Variants in NOL4 observed in about 807,000 individuals in gnomAD.
NOL4 encodes nucleolar protein 4, also known as cancer/testis antigen 125.
NOL4 carries 17 observed loss-of-function variants against 75.9 expected under a neutral mutation model. The observed-to-expected ratio is 0.22, with a 90% CI of 0.15 to 0.34. NOL4 has a LOEUF of 0.34. Among genes scored for constraint, NOL4 ranks in the 10% least tolerant of loss-of-function variants. NOL4 has a pLI of 1.00. For missense variants in NOL4, 614 were observed against 793.5 expected, an observed-to-expected ratio of 0.77 and a Z score of 2.72; for synonymous variants, 292 against 289.9, an observed-to-expected ratio of 1.01 and a Z score of -0.07.
At chr18:33,925,699 C>T (rs2067282943) in intron 9 of NOL4, among the ~76,000 whole-genome samples, 2 of 152,076 alleles carry the variant, frequency 1.3e-5, no homozygotes, top group Non-Finnish European at 2.9e-5. Context: ...ACCCTGAAAT[C>T]CAAAGGGAGC....
chr18:34,008,860 T>G (rs1429705525), intron 6 of NOL4, among the ~76,000 whole-genome samples: 1 of 151,918 alleles, frequency 6.6e-6, no homozygotes, highest in East Asian at 1.9e-4. Flanking sequence ...CAAATGGCAA[T>G]GAGAAGAAAT....
At chr18:33,896,875 A>T (rs2065441733) in intron 9 of NOL4, among the ~76,000 whole-genome samples, 1 of 152,200 alleles carries the variant, frequency 6.6e-6, no homozygotes, top group African/African-American at 2.4e-5. Context: ...CATGCATCTG[A>T]CAAAAGTCTA....
intron 1 of NOL4, among the ~76,000 whole-genome samples, chr18:34,215,890 G>A (rs1229730900): frequency 1.3e-5 from 2 of 152,138 alleles, no homozygotes; most frequent in Non-Finnish European, 2.9e-5. Flanking sequence ...AAATAGACTA[G>A]TGCCTGCATA....
At chr18:33,947,199 T>G (rs2068896415) in intron 8 of NOL4, among the ~76,000 whole-genome samples, 1 of 151,812 alleles carries the variant, frequency 6.6e-6, no homozygotes, top group East Asian at 1.9e-4. Context: ...AAAGTAATAT[T>G]ACAGAGAAAT....
At chr18:34,172,563 A>G (rs1485000937) in intron 1 of NOL4, among the ~76,000 whole-genome samples, 3 of 152,120 alleles carry the variant, frequency 2.0e-5, no homozygotes, top group Non-Finnish European at 4.4e-5. Context: ...TTGCTGCACT[A>G]TATGGTAGTT....
At chr18:34,006,969 A>T (rs2074063021) in intron 6 of NOL4, among the ~76,000 whole-genome samples, 1 of 152,020 alleles carries the variant, frequency 6.6e-6, no homozygotes, top group African/African-American at 2.4e-5. Context: ...GGTATCACTC[A>T]TTATTACCAC....
rs117408411 is a variant in NOL4 at position 33,995,940 on chromosome 18, G to T, written c.1056+23378C>A. Reference sequence around the variant, plus strand: ...TAGTCTATCCTATTAGGTCTAGCTGGAGTATAATGTTGTTTAAGTCTTCTT... The same window carrying T: ...TAGTCTATCCTATTAGGTCTAGCTGTAGTATAATGTTGTTTAAGTCTTCTT... On this transcript the variant is annotated intron_variant, in intron 6 of 10. Coordinates refer to ENST00000261592, the MANE Select transcript of NOL4 (RefSeq NM_003787.5). 5.3e-5 allele frequency among the ~76,000 whole-genome samples: 8 copies of T among 151,924 alleles called. No individual in the cohort carries two copies. In the East Asian group the frequency reaches 1.2e-3, roughly 22 times the overall value.
chr18:34,099,585 G>T (rs9965596), intron 4 of NOL4, among the ~76,000 whole-genome samples: 78,295 of 151,498 alleles, frequency 0.52, 20,480 homozygotes, highest in Admixed American at 0.56. Flanking sequence ...CTACACAACA[G>T]CTCAAATTTC....
intron 2 of NOL4, among the ~76,000 whole-genome samples, chr18:34,112,810 T>C (rs2079661813): frequency 6.6e-6 from 1 of 152,228 alleles, no homozygotes; most frequent in African/African-American, 2.4e-5. Flanking sequence ...TAGATAATTC[T>C]GTAATGTATG....
intron 2 of NOL4, among the ~76,000 whole-genome samples, chr18:34,128,106 A>T (rs1438551514): frequency 1.3e-5 from 2 of 151,934 alleles, no homozygotes; most frequent in African/African-American, 4.8e-5. Context: ...AATGGATCAG[A>T]TTCTCTACAT....
chr18:34,215,371 C>G (rs1422566830), intron 1 of NOL4, among the ~76,000 whole-genome samples: 1 of 152,136 alleles, frequency 6.6e-6, no homozygotes, highest in Non-Finnish European at 1.5e-5. Flanking sequence ...ATGCCAGGTA[C>G]TGGAGATTAA....
At chr18:34,004,639 T>C (rs1452195991) in intron 6 of NOL4, among the ~76,000 whole-genome samples, 2 of 152,142 alleles carry the variant, frequency 1.3e-5, no homozygotes, top group African/African-American at 2.4e-5. Flanking sequence ...TCTCATGTTA[T>C]GGTTAAGTAA....
rs1350278873 is a variant in NOL4, at chr18:34,050,818, C to A, written c.773-31217G>T. On this transcript the variant is annotated intron_variant, in intron 5 of 10. Transcript: ENST00000261592. ...TCACAAAACAAGTTTTAAATATAAACCCCAAGGCAGTTCTGAGTAAAAAGA... is the reference window on the plus strand; with the variant it reads ...TCACAAAACAAGTTTTAAATATAAAACCCAAGGCAGTTCTGAGTAAAAAGA... Among the ~76,000 whole-genome samples the A allele has an allele frequency of 2.0e-5, 3 of 151,976 alleles. No homozygotes were observed. In the East Asian group the frequency reaches 5.8e-4, roughly 29 times the overall value.
chr18:33,915,123 G>A (rs2066636046), intron 9 of NOL4, among the ~76,000 whole-genome samples: 1 of 152,096 alleles, frequency 6.6e-6, no homozygotes, highest in South Asian at 2.1e-4. Context: ...AAATTCTCAA[G>A]GAAAACAAAG....
intron 6 of NOL4, among the ~76,000 whole-genome samples, chr18:34,006,395 A>T (rs1439441378): frequency 6.6e-6 from 1 of 152,010 alleles, no homozygotes; most frequent in Non-Finnish European, 1.5e-5. Flanking sequence ...AAAAAAGCTC[A>T]CCCTCACCAG....
At chr18:34,097,571 G>A (rs908911441) in intron 4 of NOL4, among the ~76,000 whole-genome samples, 2 of 152,124 alleles carry the variant, frequency 1.3e-5, no homozygotes, top group African/African-American at 4.8e-5. Flanking sequence ...AATACTAGTC[G>A]TATGTGGCTG....
At chr18:34,004,834 C>T (rs1486964927) in intron 6 of NOL4, among the ~76,000 whole-genome samples, 4 of 152,064 alleles carry the variant, frequency 2.6e-5, no homozygotes, top group Admixed American at 1.3e-4. Flanking sequence ...TAAAATGAAT[C>T]TTCCTCTTAT....
intron 1 of NOL4, among the ~76,000 whole-genome samples, chr18:34,139,061 C>A (rs889539826): frequency 6.6e-6 from 1 of 152,142 alleles, no homozygotes; most frequent in East Asian, 1.9e-4. Context: ...TTTTGATGTG[C>A]TGCTGGATTT....
chr18:34,143,499 T>A (rs1397436754), intron 1 of NOL4, among the ~76,000 whole-genome samples: 1 of 152,242 alleles, frequency 6.6e-6, no homozygotes, highest in Non-Finnish European at 1.5e-5. Flanking sequence ...TTTCTCAATA[T>A]TTTTTTGTAA....
Sources: gnomAD v4.1 joint callset for allele counts (sites outside exome capture counted in the v4.1 genomes callset) on GRCh38, gnomAD v4.1.1 for gene constraint, MANE v1.5 for transcripts, NCBI Gene and HGNC (gene_info 2026-07-23, HGNC 2026-07-21) for gene names.